Variants in KDM3A observed in about 807,000 individuals in gnomAD.
The protein encoded by KDM3A is lysine-specific demethylase 3A.
KDM3A carries 60 observed loss-of-function variants against 158.0 expected under a neutral mutation model. The ratio of observed to expected loss-of-function variants is 0.38; its 90% confidence interval spans 0.31 to 0.47. The LOEUF is 0.47. Ranked by LOEUF, KDM3A falls within the 20% of genes least tolerant of loss-of-function variation. The pLI, the probability that KDM3A is intolerant of heterozygous loss-of-function variation, is 0.99. For synonymous variants in KDM3A, 608 were observed against 549.3 expected, an observed-to-expected ratio of 1.11 and a Z score of -1.49; for missense variants, 1,319 against 1,574.3, an observed-to-expected ratio of 0.84 and a Z score of 2.74.
chr2:86,455,063 G>A (rs780951414), intron 4 of KDM3A, 22 bp from the exon 5 acceptor site: 2 of 1,360,374 alleles, frequency 1.5e-6, no homozygotes, highest in African/African-American at 2.9e-5. Context: ...CCCTTAACAT[G>A]TAATGATCTT....
chr2:86,478,398 A>G, intron 14 of KDM3A, 133 bp downstream of exon 14: 1 of 833,520 alleles, frequency 1.2e-6, no homozygotes, highest in Non-Finnish European at 1.9e-6. Context: ...AATATATTAG[A>G]TAATTCCTCC....
Position 86,470,236 on chromosome 2 carries a change from G to A in KDM3A, c.1552G>A (p.Ala518Thr). The change falls in exon 11 of 26, where the codon GCT becomes ACT. Residue 518 changes from alanine to threonine, a missense_variant. Around this residue, in one of 4 missense-constraint regions of KDM3A, gnomAD observed 652 missense variants for 627.2 expected, o/e 1.04. Coordinates refer to ENST00000312912, the MANE Select transcript of KDM3A (RefSeq NM_018433.6). ...CAGGAAGTCGGTTTTGACAGACCCA[G>A]CTAAACTCAAAAAGCTGCAACAGAG... ...PSRKSVLTDPAKLKKLQQSGE... is the reference protein window; with the variant it reads ...PSRKSVLTDPTKLKKLQQSGE... 2 of 1,614,096 alleles carry A rather than the reference G, an allele frequency of 1.2e-6. No individual in the cohort carries two copies. Among genetic ancestry groups the A allele is most frequent in the Non-Finnish European group, 1.7e-6 (2 of 1,179,998 alleles).
chr2:86,481,345 C>G (rs1379730451), intron 16 of KDM3A, among the ~76,000 whole-genome samples: 2 of 152,100 alleles, frequency 1.3e-5, no homozygotes, highest in Non-Finnish European at 2.9e-5. Context: ...CTCTGCCTCC[C>G]AGGTTCAAGC....
At chr2:86,485,340 C>G (rs923783159) in intron 20 of KDM3A, among the ~76,000 whole-genome samples, 2 of 152,208 alleles carry the variant, frequency 1.3e-5, no homozygotes, top group African/African-American at 4.8e-5. Flanking sequence ...TCTGACCTGT[C>G]AGGGTCAGGA....
At chr2:86,465,991 A>G (rs1285290830) in intron 9 of KDM3A, among the ~76,000 whole-genome samples, 1 of 151,592 alleles carries the variant, frequency 6.6e-6, no homozygotes, top group African/African-American at 2.4e-5. Flanking sequence ...GCCCCTACAC[A>G]GACTTCTGGT....
At chr2:86,475,034 A>G (rs1032737542) in intron 12 of KDM3A, 44 bp downstream of exon 12, 3 of 1,511,882 alleles carry the variant, frequency 2.0e-6, no homozygotes, top group South Asian at 1.2e-5. Flanking sequence ...GCCCAATTTG[A>G]TTTTTGTTCC....
rs776239977 is a variant in KDM3A, at chr2:86,485,741, G to C, written c.3195G>C (p.Leu1065=). Reference sequence around the variant, plus strand: ...TCTGTTGTTCTAGGTTTGATGATCTGATGGCCAACATTCCACTGCCCGAGT... The same window carrying C: ...TCTGTTGTTCTAGGTTTGATGATCTCATGGCCAACATTCCACTGCCCGAGT... ...RDMMPSRFDD[L]MANIPLPEYT... Residue 1065 remains leucine, a synonymous_variant, in exon 21 of 26, where the codon CTG becomes CTC. Coordinates refer to ENST00000312912, the MANE Select transcript of KDM3A (RefSeq NM_018433.6). 4 of 1,613,980 alleles carry C rather than the reference G, an allele frequency of 2.5e-6. No homozygotes were observed. Among genetic ancestry groups the C allele is most frequent in the Non-Finnish European group, 3.4e-6 (4 of 1,179,876 alleles).
rs763121700 is a variant in KDM3A at position 86,489,611 on chromosome 2, C to T, written c.3525C>T (p.His1175=). ...EGKEKPGALW[H]IYAAKDTEKI... ...AAGAGAAGCCAGGAGCACTGTGGCACATATATGCTGCAAAGGACACGGAGA... is the reference window on the plus strand; with the variant it reads ...AAGAGAAGCCAGGAGCACTGTGGCATATATATGCTGCAAAGGACACGGAGA... Residue 1175 remains histidine, a synonymous_variant, in exon 23 of 26, where the codon CAC becomes CAT. Transcript: ENST00000312912. The T allele has an allele frequency of 1.2e-5, 19 of 1,613,784 alleles. 1 individual carries two copies. Among genetic ancestry groups the T allele is most frequent in the Middle Eastern group, 3.3e-4 (2 of 6,082 alleles).
At chr2:86,447,966 A>T (rs141431034) in intron 2 of KDM3A, among the ~76,000 whole-genome samples, 9 of 152,336 alleles carry the variant, frequency 5.9e-5, no homozygotes, top group Non-Finnish European at 8.8e-5. Flanking sequence ...ATGTCAGAGC[A>T]TATGGATTCT....
intron 5 of KDM3A, 150 bp downstream of exon 5, chr2:86,455,337 G>A (rs1018503935): frequency 1.8e-6 from 1 of 554,322 alleles, no homozygotes. Context: ...AGGCTGGAGT[G>A]CCAGTGGTGC....
In KDM3A at chr2:86,442,039, G is replaced by A; in HGVS notation, c.-9G>A. 5 of 1,613,512 alleles carry A rather than the reference G, an allele frequency of 3.1e-6. 1 individual carries two copies. Among genetic ancestry groups the A allele is most frequent in the South Asian group, 2.2e-5 (2 of 91,064 alleles). ...GCAGGGAGGAGCTCTTCCTGCAGGC[G>A]TGGAAACCATGGTGCTCACGCTCGG... On this transcript the variant is annotated 5_prime_UTR_variant, in exon 2 of 26. In the 5' UTR this introduces an upstream ATG that the reference lacks. Transcript: ENST00000312912.
intron 3 of KDM3A, 105 bp downstream of exon 3, chr2:86,450,067 C>A: frequency 8.3e-7 from 1 of 1,211,558 alleles, no homozygotes. Flanking sequence ...AGAAAAGCTC[C>A]CAGGATCTCC....
At chr2:86,482,206 C>CGTAA in intron 17 of KDM3A, 104 bp downstream of exon 17, 1 of 1,333,490 alleles carries the variant, frequency 7.5e-7, no homozygotes. Flanking sequence ...GAATCACATA[C>CGTAA]TTACCTTTGT....
chr2:86,441,901 C>T (rs1363706132), intron 1 of KDM3A, 117 bp from the exon 2 acceptor site: 1 of 704,192 alleles, frequency 1.4e-6, no homozygotes, highest in Non-Finnish European at 2.2e-6. Context: ...GGTGCGGGTC[C>T]GCCCGGGGCC....
intron 8 of KDM3A, among the ~76,000 whole-genome samples, 191 bp downstream of exon 8, chr2:86,457,262 C>T (rs1232854175): frequency 6.6e-6 from 1 of 152,080 alleles, no homozygotes; most frequent in Non-Finnish European, 1.5e-5. Context: ...TCCATAGTAG[C>T]TGGGACTGCA....
At chr2:86,489,773 A>T (rs1045752774) in intron 23 of KDM3A, 114 bp downstream of exon 23, 2 of 1,146,682 alleles carry the variant, frequency 1.7e-6, no homozygotes, top group Admixed American at 4.6e-5. Flanking sequence ...TGAAAAGTTA[A>T]ATCTGTACCT....
At chr2:86,445,803 C>T (rs1001241522) in intron 2 of KDM3A, among the ~76,000 whole-genome samples, 1 of 152,164 alleles carries the variant, frequency 6.6e-6, no homozygotes, top group Non-Finnish European at 1.5e-5. Context: ...AATGCTGGAC[C>T]TTGGGATCTT....
chr2:86,458,168 G>T (rs954418275), intron 8 of KDM3A, among the ~76,000 whole-genome samples: 4 of 152,210 alleles, frequency 2.6e-5, no homozygotes, highest in Non-Finnish European at 5.9e-5. Context: ...ATTAAGGGCA[G>T]ACTGGACTAC....
intron 7 of KDM3A, 38 bp downstream of exon 7, chr2:86,456,915 C>T (rs376229117): frequency 1.3e-6 from 2 of 1,572,664 alleles, no homozygotes; most frequent in Non-Finnish European, 8.7e-7. Context: ...CTCCTTCCTC[C>T]TTTCCTCCGT....
Sources: gnomAD v4.1 joint callset for allele counts (sites outside exome capture counted in the v4.1 genomes callset) on GRCh38, gnomAD v4.1.1 for gene constraint, gnomAD v4.1.1 regional missense constraint, MANE v1.5 for transcripts, NCBI Gene and HGNC (gene_info 2026-07-23, HGNC 2026-07-21) for gene names.